PRKCH: variants seen among roughly 807,000 people sequenced by gnomAD.
PRKCH encodes the protein protein kinase C eta type.
A neutral mutation model predicts 82.5 loss-of-function variants in PRKCH; 28 were observed. The observed-to-expected ratio is 0.34, with a 90% CI of 0.25 to 0.47. The LOEUF (loss-of-function observed/expected upper bound fraction) is 0.47. Among genes scored for constraint, PRKCH ranks in the 20% least tolerant of loss-of-function variants. The pLI is 1.00. For synonymous variants in PRKCH, 322 were observed against 327.4 expected (o/e 0.98, Z 0.18); for missense variants, 705 against 881.8 (o/e 0.80, Z 2.54).
At chr14:61,207,106 CAAAAAAAAAAA>C (rs71114196) in intron 1 of PRKCH, among the ~76,000 whole-genome samples, 3 of 49,160 alleles carry the variant, frequency 6.1e-5, no homozygotes, top group Non-Finnish European at 1.0e-4. Context: ...AACTCCATCT[CAAAAAAAAAAA>C]AAAAAAAAAA....
chr14:61,298,842 G>T (rs1228812485), intron 1 of PRKCH: 1 of 152,148 alleles, frequency 6.6e-6, no homozygotes, highest in African/African-American at 2.4e-5. Flanking sequence ...TGACCAAGGG[G>T]CATAAAGCAG....
At chr14:61,328,646 T>C (rs909304424) in intron 1 of PRKCH, among the ~76,000 whole-genome samples, 6 of 152,098 alleles carry the variant, frequency 3.9e-5, no homozygotes, top group African/African-American at 1.2e-4. Flanking sequence ...AGCATTTGCG[T>C]AGAATAATAG....
At chr14:61,410,903 T>C (rs563052107) in intron 2 of PRKCH, among the ~76,000 whole-genome samples, 1 of 152,304 alleles carries the variant, frequency 6.6e-6, no homozygotes, top group South Asian at 2.1e-4. Flanking sequence ...TTGCCTGGGC[T>C]CATGAAGCCT....
chr14:61,507,547 G>T (rs1333937705), intron 10 of PRKCH, among the ~76,000 whole-genome samples: 1 of 152,074 alleles, frequency 6.6e-6, no homozygotes, highest in Non-Finnish European at 1.5e-5. Context: ...TCCTTCTGCA[G>T]ACAAATAGAT....
rs1230825082 is a variant in PRKCH at position 61,458,097 on chromosome 14, G to A, written c.1278+418G>A. 2.6e-5 allele frequency among the ~76,000 whole-genome samples: 4 copies of A among 152,206 alleles called. No individual in the cohort carries two copies. In the South Asian group the frequency reaches 6.2e-4, roughly 24 times the overall value. On this transcript the variant is annotated intron_variant, in intron 9 of 13. Transcript: ENST00000332981. ...ACCTGGGCACAGGAGTTTAGAAGAG[G>A]GGTCTGAGAGGACCCAGAGAGGTAC...
In PRKCH at chr14:61,321,984, C is replaced by G. The variant is rs2045630861; in HGVS notation, c.-118C>G. On this transcript the variant is annotated 5_prime_UTR_variant, in exon 1 of 14. Coordinates refer to ENST00000332981, the MANE Select transcript of PRKCH (RefSeq NM_006255.5). This position sits in a 1 kb window ranked among gnomAD's most constrained non-coding sequence, Gnocchi z 4.1. ...CAGTCGAGGGGCGCTTAGGCGCTGC[C>G]TTTCCCCAGGGCTGCCTCGACTCCT... 8.5e-7 allele frequency: 1 copy of G among 1,175,312 alleles called. No homozygotes were observed. Among genetic ancestry groups the G allele is most frequent in the Admixed American group, 2.9e-5 (1 of 34,518 alleles). 72.8% of individuals were successfully genotyped at this position (1,175,312 alleles called of 1,614,324 possible).
At chr14:61,350,677 C>T (rs1365248789) in intron 1 of PRKCH, among the ~76,000 whole-genome samples, 3 of 152,124 alleles carry the variant, frequency 2.0e-5, no homozygotes, top group Non-Finnish European at 4.4e-5. Flanking sequence ...CCAGGAAGCT[C>T]GAGTGCTTTA....
At chr14:61,421,384 C>T (rs1009352204) in intron 2 of PRKCH, among the ~76,000 whole-genome samples, 1 of 152,052 alleles carries the variant, frequency 6.6e-6, no homozygotes, top group Non-Finnish European at 1.5e-5. Flanking sequence ...ACAAATTGTT[C>T]TTATGTGCAT....
chr14:61,235,572 C>T (rs1594866385), intron 1 of PRKCH, among the ~76,000 whole-genome samples: 1 of 152,186 alleles, frequency 6.6e-6, no homozygotes, highest in South Asian at 2.1e-4. Flanking sequence ...TTCTGTTTTA[C>T]AGTACTAGGT....
chr14:61,545,976 G>T (rs1216005224), intron 12 of PRKCH, among the ~76,000 whole-genome samples: 1 of 152,196 alleles, frequency 6.6e-6, no homozygotes, highest in Non-Finnish European at 1.5e-5. Flanking sequence ...TGGCAGGCCT[G>T]GGAATTTCCC....
At chr14:61,410,768 A>C (rs191809454) in intron 2 of PRKCH, among the ~76,000 whole-genome samples, 9 of 152,290 alleles carry the variant, frequency 5.9e-5, no homozygotes, top group African/African-American at 2.2e-4. Context: ...TGTGGTAGCT[A>C]CACATAAACA....
chr14:61,229,355 CTT>C (rs1274049393), intron 1 of PRKCH, among the ~76,000 whole-genome samples: 1 of 152,106 alleles, frequency 6.6e-6, no homozygotes, highest in Non-Finnish European at 1.5e-5. Flanking sequence ...GGACTGACCT[CTT>C]GGGGTAAAAA....
rs1346408825 is a variant in PRKCH, at chr14:61,280,184, G to A, written c.-19+92516G>A. The A allele has an allele frequency of 6.2e-7, 1 of 1,614,036 alleles. No individual in the cohort carries two copies. The highest frequency in any genetic ancestry group is 8.5e-7 in the Non-Finnish European group (1 of 1,180,016). The stretch of plus-strand genomic sequence containing the variant: ...AGGATGCAGAGGGAGCCGACGACCA[G>A]GTAGGCGATGCCCAGGAAGGGGTTC... On this transcript the variant is annotated intron_variant, in intron 1 of 3. Transcript: ENST00000555185. The surrounding 1 kb of genome is among the most constrained non-coding windows in gnomAD (Gnocchi z 5.0).
intron 1 of PRKCH, among the ~76,000 whole-genome samples, chr14:61,372,577 T>C (rs1252262095): frequency 1.3e-5 from 2 of 152,070 alleles, no homozygotes; most frequent in Non-Finnish European, 2.9e-5. Context: ...GAAAGAACTT[T>C]ATTGGCTAGA....
intron 6 of PRKCH, 80 bp downstream of exon 6, chr14:61,451,051 A>AT: frequency 6.6e-7 from 1 of 1,520,564 alleles, no homozygotes; most frequent in Non-Finnish European, 8.9e-7. Context: ...TGGACTCAGA[A>AT]TCTGTCCTAG....
chr14:61,365,162 A>T (rs1171588962), intron 1 of PRKCH, among the ~76,000 whole-genome samples: 2 of 152,090 alleles, frequency 1.3e-5, no homozygotes, highest in Non-Finnish European at 2.9e-5. Context: ...TGTGTAGAAT[A>T]AGAAACTTCA....
chr14:61,517,068 A>G (rs2042838853), intron 10 of PRKCH, among the ~76,000 whole-genome samples: 1 of 152,148 alleles, frequency 6.6e-6, no homozygotes, highest in African/African-American at 2.4e-5. Flanking sequence ...TGAGGTGGCC[A>G]CAGTACTGAT....
At chr14:61,213,414 A>C (rs1398582404) in intron 1 of PRKCH, among the ~76,000 whole-genome samples, 1 of 152,202 alleles carries the variant, frequency 6.6e-6, no homozygotes, top group African/African-American at 2.4e-5. Context: ...CAGAGTTGCC[A>C]AACTTCACAC....
intron 9 of PRKCH, among the ~76,000 whole-genome samples, chr14:61,460,209 T>C (rs1594730899): frequency 6.6e-6 from 1 of 152,228 alleles, no homozygotes; most frequent in East Asian, 1.9e-4. Flanking sequence ...TATTTCTATA[T>C]ACCAAGCTGC....
Sources: allele counts gnomAD v4.1 joint callset (sites outside exome capture counted in the v4.1 genomes callset), GRCh38; gene constraint gnomAD v4.1.1; non-coding constraint Gnocchi (gnomAD v3.1); transcripts MANE v1.5; gene names NCBI Gene and HGNC (gene_info 2026-07-23, HGNC 2026-07-21).